SPI1: variants seen among roughly 807,000 people sequenced by gnomAD.
The protein encoded by SPI1 is Spi-1 proto-oncogene.
A neutral mutation model predicts 30.7 loss-of-function variants in SPI1; 3 were observed. The ratio of observed to expected loss-of-function variants is 0.10; its 90% confidence interval spans 0.04 to 0.25. The LOEUF (loss-of-function observed/expected upper bound fraction) is 0.25. Among genes scored for constraint, SPI1 ranks in the 10% least tolerant of loss-of-function variants. The pLI, the probability that SPI1 is intolerant of heterozygous loss-of-function variation, is 1.00. For missense variants in SPI1, 261 were observed against 371.5 expected (o/e 0.70, Z 2.45); for synonymous variants, 169 against 157.1 (o/e 1.08, Z -0.56).
At chr11:47,362,546 G>T (rs568008065) in intron 2 of SPI1, among the ~76,000 whole-genome samples, 2 of 151,432 alleles carry the variant, frequency 1.3e-5, no homozygotes, top group South Asian at 4.2e-4. Flanking sequence ...CCTCCAGCCT[G>T]GGTGACAGAG....
At chr11:47,372,325 C>T (rs966757961) in intron 2 of SPI1, among the ~76,000 whole-genome samples, 3 of 152,060 alleles carry the variant, frequency 2.0e-5, no homozygotes, top group Non-Finnish European at 2.9e-5. Context: ...CTCTTGACCT[C>T]GTGATCCACC....
intron 4 of SPI1, chr11:47,358,413 C>T (rs2095915314): frequency 1.6e-6 from 1 of 628,888 alleles, no homozygotes; most frequent in Non-Finnish European, 2.9e-6. Context: ...TGCTCACACG[C>T]ACTGAAATAC....
At chr11:47,358,739 A>ACG (rs1254747291) in intron 4 of SPI1, 105 bp downstream of exon 4, 41 of 1,128,826 alleles carry the variant, frequency 3.6e-5, no homozygotes, top group East Asian at 2.6e-4. Flanking sequence ...ACACACACAC[A>ACG]CGCGACTCGG....
chr11:47,366,371 C>G (rs1435012464), intron 2 of SPI1, among the ~76,000 whole-genome samples: 1 of 152,138 alleles, frequency 6.6e-6, no homozygotes, highest in Non-Finnish European at 1.5e-5. Flanking sequence ...ATTCAGCTGA[C>G]CTTATCTCCT....
At chr11:47,360,843 C>T (rs1173284362) in intron 2 of SPI1, among the ~76,000 whole-genome samples, 2 of 142,666 alleles carry the variant, frequency 1.4e-5, no homozygotes, top group African/African-American at 2.6e-5. Flanking sequence ...AAAACTCGGC[C>T]GGGCGCAGTG....
chr11:47,364,735 C>T (rs540508680), intron 2 of SPI1, among the ~76,000 whole-genome samples: 3 of 152,102 alleles, frequency 2.0e-5, no homozygotes, highest in African/African-American at 7.2e-5. Context: ...TGTGGTGGTC[C>T]CAGCCTGAGG....
intron 4 of SPI1, among the ~76,000 whole-genome samples, chr11:47,357,548 TCTCACA>T (rs758749106): frequency 6.7e-6 from 1 of 150,070 alleles, no homozygotes; most frequent in African/African-American, 2.4e-5. Context: ...ACACACCTGC[TCTCACA>T]CTCACACATC....
chr11:47,361,657 T>C (rs1194837595), intron 2 of SPI1, among the ~76,000 whole-genome samples: 2 of 152,210 alleles, frequency 1.3e-5, no homozygotes, highest in Non-Finnish European at 1.5e-5. Flanking sequence ...GCAGTGTCTC[T>C]GGGACAAGTC....
Position 47,375,766 on chromosome 11 carries a change from T to C in SPI1, c.46-37A>G. 3 of 1,554,444 alleles carry C rather than the reference T, an allele frequency of 1.9e-6. No individual in the cohort carries two copies. The highest frequency in any genetic ancestry group is 2.7e-6 in the Non-Finnish European group (3 of 1,126,592). On this transcript the variant is annotated intron_variant, in intron 1 of 4. Coordinates refer to ENST00000378538, the MANE Select transcript of SPI1 (RefSeq NM_003120.3). The surrounding 1 kb of genome is among the most constrained non-coding windows in gnomAD (Gnocchi z 4.2). ...GGAGGTGTCAGGGCCTGCACCATGG[T>C]GGGAGACCCCAGCCAGGCCTGCAGC...
At chr11:47,364,778 A>G (rs938369204) in intron 2 of SPI1, among the ~76,000 whole-genome samples, 2 of 152,168 alleles carry the variant, frequency 1.3e-5, no homozygotes, top group African/African-American at 4.8e-5. Flanking sequence ...TCAGTCCACC[A>G]TCATCCATCA....
rs368215281 is a variant in SPI1 at position 47,359,997 on chromosome 11, G to C, written c.186C>G (p.Phe62Leu). 8 of 1,601,762 alleles carry C rather than the reference G, an allele frequency of 5.0e-6. No individual in the cohort carries two copies. The highest frequency in any genetic ancestry group is 6.8e-6 in the Non-Finnish European group (8 of 1,173,100). The change falls in exon 3 of 5, where the codon TTC becomes TTG. Residue 62 changes from phenylalanine to leucine, a missense_variant. Physicochemically the swap from Phe to Leu is conservative, Grantham distance 22. This residue lies in a region of SPI1 where 78 missense variants were observed against 93.2 expected (regional missense o/e 0.84). Coordinates refer to ENST00000378538, the MANE Select transcript of SPI1 (RefSeq NM_003120.3). The surrounding 1 kb of genome is among the most constrained non-coding windows in gnomAD (Gnocchi z 5.1). ...TGAAGTTGTTCTCGGCGAAGCTCTC[G>C]AACTCGCTGTGCACGTGGTGGGGGT... ...DFHPHHVHSEFESFAENNFTE... is the reference protein window; with the variant it reads ...DFHPHHVHSELESFAENNFTE...
At chr11:47,361,127 A>G (rs1265024173) in intron 2 of SPI1, among the ~76,000 whole-genome samples, 1 of 151,602 alleles carries the variant, frequency 6.6e-6, no homozygotes, top group African/African-American at 2.4e-5. Flanking sequence ...TCTCAAAAAG[A>G]AAAAAAAAGA....
rs1186331775 is a variant in SPI1, at chr11:47,355,493, C to T, written c.547G>A (p.Gly183Ser). Residue 183 changes from glycine (G) to serine (S), a missense_variant, in exon 5 of 5, where the codon GGC (glycine) becomes AGC (serine). Coordinates refer to ENST00000378538, the MANE Select transcript of SPI1 (RefSeq NM_003120.3). Reference protein sequence around the residue: ...YQFLLDLLRSGDMKDSIWWVD... With the variant: ...YQFLLDLLRSSDMKDSIWWVD... The stretch of plus-strand genomic sequence containing the variant: ...CACCAGATGCTGTCCTTCATGTCGC[C>T]GCTGCGGAGCAGGTCCAACAGGAAC... The T allele has an allele frequency of 6.2e-7, 1 of 1,611,648 alleles. No homozygotes were observed. Among genetic ancestry groups the T allele is most frequent in the South Asian group, 1.1e-5 (1 of 90,728 alleles).
At chr11:47,361,817 G>A (rs1047157455) in intron 2 of SPI1, among the ~76,000 whole-genome samples, 8 of 152,106 alleles carry the variant, frequency 5.3e-5, no homozygotes, top group Admixed American at 3.3e-4. Flanking sequence ...CGGAGTACTC[G>A]CTTTCTAAAC....
In SPI1 at chr11:47,359,496, C is replaced by G. The variant is rs888978081; in HGVS notation, c.330+357G>C. Among the ~76,000 whole-genome samples the G allele has an allele frequency of 6.6e-6, 1 of 151,998 alleles. No individual in the cohort carries two copies. The highest frequency in any genetic ancestry group is 2.4e-5 in the African/African-American group (1 of 41,358). On this transcript the variant is annotated intron_variant, in intron 3 of 4. Transcript: ENST00000378538. This position sits in a 1 kb window ranked among gnomAD's most constrained non-coding sequence, Gnocchi z 5.1. ...AGTAGGGAGGGTCACTGGGGAGAGG[C>G]AGGGTCAGTAGAGGTGTTCAGTGAC...
chr11:47,375,405 A>C lies in SPI1; in HGVS notation c.142+228T>G, dbSNP rs2095940935. Among the ~76,000 whole-genome samples the C allele has an allele frequency of 6.6e-6, 1 of 152,206 alleles. No individual in the cohort carries two copies. The highest frequency in any genetic ancestry group is 2.4e-5 in the African/African-American group (1 of 41,444). ...ACAAGGACAGAACCAGCAGATAACC[A>C]TGGAAGAAATGAACCCCGCACCTTG... On this transcript the variant is annotated intron_variant, in intron 2 of 4. Transcript: ENST00000378538. The surrounding 1 kb of genome is among the most constrained non-coding windows in gnomAD (Gnocchi z 4.2).
chr11:47,378,266 C>T lies in SPI1; in HGVS notation c.45+43G>A, dbSNP rs370481465. 120 of 1,604,648 alleles carry T rather than the reference C, an allele frequency of 7.5e-5. No homozygotes were observed. In the South Asian group the frequency reaches 8.1e-4, roughly 11 times the overall value. On this transcript the variant is annotated intron_variant, in intron 1 of 4. Transcript: ENST00000378538. ...GTTCGTGGGCAGGCAGGCAGGCGTC[C>T]GAGGGCCACGGGTTGGGCTGGTGGA...
rs551165372 is a variant in SPI1 at position 47,362,214 on chromosome 11, G to T, written c.143-2174C>A. ...TAGACTAGAACTTGGCACAAAGACA[G>T]ACCTTGATAAACATTAACTTCATCA... is the stretch of plus-strand genomic sequence containing the variant. On this transcript the variant is annotated intron_variant, in intron 2 of 4. Transcript: ENST00000378538. Among the ~76,000 whole-genome samples the T allele has an allele frequency of 4.6e-5, 7 of 152,222 alleles. No individual in the cohort carries two copies. The East Asian group carries it at 1.2e-3, about 25-fold the overall frequency.
chr11:47,378,227 G>T, intron 1 of SPI1, 82 bp downstream of exon 1: 2 of 1,447,230 alleles, frequency 1.4e-6, no homozygotes, highest in South Asian at 2.3e-5. Flanking sequence ...GGAGGGCAGT[G>T]GGTGGGCTGG....
Sources: allele counts gnomAD v4.1 joint callset (sites outside exome capture counted in the v4.1 genomes callset), GRCh38; gene constraint gnomAD v4.1.1; regional missense constraint gnomAD v4.1.1; non-coding constraint Gnocchi (gnomAD v3.1); transcripts MANE v1.5; gene names NCBI Gene and HGNC (gene_info 2026-07-23, HGNC 2026-07-21).